Variants in GABRG1 observed in about 807,000 individuals in gnomAD.
GABRG1 encodes the protein gamma-aminobutyric acid type A receptor subunit gamma1.
In GABRG1, 49 loss-of-function variants were observed where a neutral mutation model predicts 49.8. The observed-to-expected ratio is 0.98, with a 90% CI of 0.78 to 1.25. The LOEUF (loss-of-function observed/expected upper bound fraction) is 1.25. Ranked by LOEUF, GABRG1 falls within the 50% of genes most tolerant of loss-of-function variation. GABRG1 has a pLI of 0.00. For synonymous variants in GABRG1, 232 were observed against 185.1 expected (o/e 1.25, Z -2.06); for missense variants, 552 against 552.3 (o/e 1.00, Z 0.01).
rs140068403 is a variant in GABRG1 at position 46,123,877 on chromosome 4, G to T, written c.37C>A (p.Leu13Ile). 2.9e-4 allele frequency: 473 copies of T among 1,613,524 alleles called. No homozygotes were observed. The highest frequency in any genetic ancestry group is 3.6e-4 in the Non-Finnish European group (429 of 1,179,752). The change falls in exon 1 of 9, where the codon CTT becomes ATT. Residue 13 changes from leucine to isoleucine, a missense_variant. By Grantham distance (5) the Leu-to-Ile change is conservative (BLOSUM62 2). Transcript: ENST00000295452. Reference protein sequence around the residue: ...PLKAFLFSPFLLRSQSRGVRL... With the variant: ...PLKAFLFSPFILRSQSRGVRL... The stretch of plus-strand genomic sequence containing the variant: ...ACCCCTCTACTTTGACTCCGCAGAA[G>T]AAAAGGGGAGAAGAGAAAAGCTTTC...
In GABRG1 at chr4:46,041,155, C is replaced by G; in HGVS notation, c.1231G>C (p.Asp411His). ...AAGCAACAGAAGAAGCTGGCACAAT[C>G]TTTGCCCTCCAAACACTGATACCCA... ...DYGYQCLEGKDCASFFCCFED... is the reference protein window; with the variant it reads ...DYGYQCLEGKHCASFFCCFED... Residue 411 changes from aspartate (D) to histidine (H), a missense_variant, in exon 9 of 9, where the codon GAT (aspartate) becomes CAT (histidine). Coordinates refer to ENST00000295452, the MANE Select transcript of GABRG1 (RefSeq NM_173536.4). The G allele has an allele frequency of 6.2e-7, 1 of 1,613,170 alleles. No individual in the cohort carries two copies. The highest frequency in any genetic ancestry group is 1.1e-5 in the South Asian group (1 of 91,080).
chr4:46,053,664 A>G (rs185507865), intron 7 of GABRG1, among the ~76,000 whole-genome samples: 1 of 152,074 alleles, frequency 6.6e-6, no homozygotes, highest in Non-Finnish European at 1.5e-5. Flanking sequence ...CTCCTATCTG[A>G]AAAATCTTAA....
chr4:46,077,395 G>C (rs765264044), intron 3 of GABRG1, among the ~76,000 whole-genome samples: 1 of 151,712 alleles, frequency 6.6e-6, no homozygotes, highest in African/African-American at 2.4e-5. Flanking sequence ...AAAGCATTGG[G>C]TAAAACTATG....
intron 3 of GABRG1, among the ~76,000 whole-genome samples, chr4:46,068,094 T>C (rs1365557968): frequency 6.6e-6 from 1 of 152,152 alleles, no homozygotes; most frequent in African/African-American, 2.4e-5. Context: ...TAACCTACGC[T>C]AATGACATGA....
intron 3 of GABRG1, among the ~76,000 whole-genome samples, chr4:46,076,046 A>C (rs1719312890): frequency 6.6e-6 from 1 of 151,806 alleles, no homozygotes; most frequent in South Asian, 2.1e-4. Context: ...GCCTGACTTC[A>C]CCACAGCACA....
At position 46,114,510 on chromosome 4, in the gene GABRG1, G is replaced by A. The variant is rs141520706; in HGVS notation, c.104+9300C>T. On this transcript the variant is annotated intron_variant, in intron 1 of 8. Coordinates refer to ENST00000295452, the MANE Select transcript of GABRG1 (RefSeq NM_173536.4). ...ATTAATTACTTATTTATTTATGACC[G>A]TCTCTAAGCTTTAAGCAATTTGAAG... is the stretch of plus-strand genomic sequence containing the variant. Among the ~76,000 whole-genome samples the A allele has an allele frequency of 1.1e-3, 159 of 150,862 alleles. 4 individuals carry two copies. In the East Asian group the frequency reaches 0.026, roughly 25 times the overall value.
At chr4:46,061,877 T>TA (rs921392008) in intron 5 of GABRG1, among the ~76,000 whole-genome samples, 3 of 151,814 alleles carry the variant, frequency 2.0e-5, no homozygotes, top group African/African-American at 7.2e-5. Context: ...TTATTTTATT[T>TA]TTTTTATTAT....
At chr4:46,111,430 C>T (rs1433423075) in intron 1 of GABRG1, among the ~76,000 whole-genome samples, 2 of 151,100 alleles carry the variant, frequency 1.3e-5, no homozygotes, top group Non-Finnish European at 3.0e-5. Flanking sequence ...AAGCAATTTA[C>T]ACATTCAATG....
chr4:46,113,856 A>G (rs999262076), intron 1 of GABRG1, among the ~76,000 whole-genome samples: 9 of 151,078 alleles, frequency 6.0e-5, no homozygotes, highest in African/African-American at 1.7e-4. Flanking sequence ...TCTGTTGTTC[A>G]TGACAAGTTA....
chr4:46,066,565 C>T (rs1718928731), intron 3 of GABRG1, among the ~76,000 whole-genome samples: 2 of 152,108 alleles, frequency 1.3e-5, no homozygotes, highest in Admixed American at 1.3e-4. Context: ...CCACTGCAGG[C>T]TAAATCCCAA....
chr4:46,115,278 T>C (rs1330418116), intron 1 of GABRG1, among the ~76,000 whole-genome samples: 1 of 150,656 alleles, frequency 6.6e-6, no homozygotes, highest in Non-Finnish European at 1.5e-5. Flanking sequence ...ATCCCAAATA[T>C]ATAGATGTAT....
At chr4:46,058,913 A>C (rs1180094441) in intron 5 of GABRG1, among the ~76,000 whole-genome samples, 1 of 152,140 alleles carries the variant, frequency 6.6e-6, no homozygotes, top group Non-Finnish European at 1.5e-5. Context: ...ATCTAGAGGT[A>C]ATAACTATCC....
intron 3 of GABRG1, among the ~76,000 whole-genome samples, 199 bp downstream of exon 3, chr4:46,083,787 T>C (rs1314895000): frequency 1.3e-5 from 2 of 151,574 alleles, no homozygotes; most frequent in African/African-American, 2.4e-5. Context: ...ACACAGCACA[T>C]TGGAATAACA....
intron 2 of GABRG1, among the ~76,000 whole-genome samples, chr4:46,089,069 C>T (rs558948532): frequency 2.2e-4 from 33 of 151,928 alleles, no homozygotes; most frequent in Admixed American, 1.8e-3. Flanking sequence ...GTATAAAGCA[C>T]GCCAAAAGAA....
At chr4:46,117,769 C>T (rs1406699332) in intron 1 of GABRG1, among the ~76,000 whole-genome samples, 1 of 139,098 alleles carries the variant, frequency 7.2e-6, no homozygotes, top group Non-Finnish European at 1.5e-5. Context: ...TATACATATA[C>T]ATATATACAT....
Position 46,035,818 on chromosome 4 carries a change from TG to T in GABRG1, c.*5169del, listed in dbSNP as rs1271599434. On this transcript the variant is annotated 3_prime_UTR_variant, in exon 9 of 9. Coordinates refer to ENST00000295452, the MANE Select transcript of GABRG1 (RefSeq NM_173536.4). ...TATAACAAGTTACTGGTATTTTTTT[TG>T]TTCTAAGGATCATGAGAGTAAAGAA... 6.6e-6 allele frequency: 1 copy of T among 151,992 alleles called. No homozygotes were observed. The highest frequency in any genetic ancestry group is 2.4e-5 in the African/African-American group (1 of 41,434). The allele number at this position is 151,992 out of a possible 1,614,324, so 9.4% of individuals were successfully genotyped here.
intron 1 of GABRG1, among the ~76,000 whole-genome samples, chr4:46,120,282 G>GT (rs1233095956): frequency 4.0e-5 from 6 of 151,398 alleles, no homozygotes; most frequent in African/African-American, 7.3e-5. Flanking sequence ...TCATTTTTCA[G>GT]TTTTTTTTAC....
At chr4:46,062,810 T>G (rs2109406528) in intron 5 of GABRG1, among the ~76,000 whole-genome samples, 1 of 152,234 alleles carries the variant, frequency 6.6e-6, no homozygotes, top group South Asian at 2.1e-4. Flanking sequence ...GATAAGCAAA[T>G]TCAGCAAAGT....
intron 3 of GABRG1, among the ~76,000 whole-genome samples, chr4:46,074,663 G>A (rs886702423): frequency 1.3e-5 from 2 of 152,126 alleles, no homozygotes; most frequent in African/African-American, 2.4e-5. Context: ...TTAAACTGAA[G>A]AGCAGCTGGT....
Sources: allele counts gnomAD v4.1 joint callset (sites outside exome capture counted in the v4.1 genomes callset), GRCh38; gene constraint gnomAD v4.1.1; transcripts MANE v1.5; gene names NCBI Gene and HGNC (gene_info 2026-07-23, HGNC 2026-07-21).